Variants in FAN1 observed in about 807,000 individuals in gnomAD.
The protein encoded by FAN1 is fanconi-associated nuclease 1.
FAN1 carries 91 observed loss-of-function variants against 104.9 expected under a neutral mutation model. The observed-to-expected ratio is 0.87, with a 90% CI of 0.73 to 1.03. FAN1 has a LOEUF of 1.03. Among genes scored for constraint, FAN1 ranks in the 50% least tolerant of loss-of-function variants. FAN1 has a pLI of 0.00. For missense variants in FAN1, 1,263 were observed against 1,239.9 expected, an observed-to-expected ratio of 1.02 and a Z score of -0.28; for synonymous variants, 478 against 457.6, an observed-to-expected ratio of 1.04 and a Z score of -0.57.
chr15:30,912,565 AC>A (rs1288172766), intron 4 of FAN1, among the ~76,000 whole-genome samples: 2 of 151,780 alleles, frequency 1.3e-5, no homozygotes, highest in African/African-American at 4.8e-5. Context: ...TAGGAATCCC[AC>A]CCCTTCCCCT....
intron 14 of FAN1, chr15:30,939,067 G>A (rs1180577567): frequency 2.0e-6 from 2 of 985,272 alleles, no homozygotes; most frequent in African/African-American, 3.5e-5. Flanking sequence ...AGGCACAAAG[G>A]TTTTAGTTTT....
intron 7 of FAN1, among the ~76,000 whole-genome samples, chr15:30,921,695 C>T (rs1475362538): frequency 6.6e-6 from 1 of 152,076 alleles, no homozygotes; most frequent in Non-Finnish European, 1.5e-5. Context: ...TAAATCATTC[C>T]ATATTACAAA....
At chr15:30,910,905 ATTGT>A in intron 4 of FAN1, 90 bp downstream of exon 4, 1 of 1,460,374 alleles carries the variant, frequency 6.8e-7, no homozygotes, top group Non-Finnish European at 9.1e-7. Flanking sequence ...TTGAACTGTA[ATTGT>A]TTATTTCAGT....
At chr15:30,941,506 T>A (rs1383097811) in intron 14 of FAN1, 60 bp from the exon 15 acceptor site, 2 of 1,611,766 alleles carry the variant, frequency 1.2e-6, no homozygotes, top group Non-Finnish European at 1.7e-6. Context: ...TAGACAACCA[T>A]ATTTTGGCCC....
chr15:30,907,878 C>T (rs2062016430), intron 2 of FAN1, among the ~76,000 whole-genome samples: 1 of 152,080 alleles, frequency 6.6e-6, no homozygotes. Context: ...CTGGGTAGGG[C>T]TTTTCTGAGG....
At chr15:30,906,013 G>GCA in intron 2 of FAN1, 116 bp downstream of exon 2, 1 of 941,002 alleles carries the variant, frequency 1.1e-6, no homozygotes, top group Non-Finnish European at 1.6e-6. Flanking sequence ...GGTGTTGTGA[G>GCA]CACCCTGTGG....
intron 14 of FAN1, 99 bp downstream of exon 14, chr15:30,937,358 T>C: frequency 8.7e-7 from 1 of 1,142,864 alleles, no homozygotes; most frequent in Admixed American, 2.5e-5. Context: ...ATAAACCTGA[T>C]AGTTTGACTT....
At chr15:30,939,060 C>T (rs1386260465) in intron 14 of FAN1, 1 of 985,306 alleles carries the variant, frequency 1.0e-6, no homozygotes, top group Non-Finnish European at 1.2e-6. Context: ...CAATTTTAGG[C>T]ACAAAGGTTT....
rs933794835 is a variant in FAN1, at chr15:30,926,699, A to C, written c.2488+760A>C. 3.0e-6 allele frequency: 3 copies of C among 985,314 alleles called. No individual in the cohort carries two copies. In the African/African-American group the frequency reaches 5.2e-5, roughly 17 times the overall value. The allele number at this position is 985,314 out of a possible 1,614,324, so 61.0% of individuals were successfully genotyped here. A position where few individuals can be genotyped will look rare whatever the true frequency, so the allele number is the denominator to read the frequency against. ...AAATGGTTAGAAATAGAAGAATAGAATGCACATTCAAGGCCCCGAGAGACG... is the reference window on the plus strand; with the variant it reads ...AAATGGTTAGAAATAGAAGAATAGACTGCACATTCAAGGCCCCGAGAGACG... On this transcript the variant is annotated intron_variant, in intron 10 of 14. Transcript: ENST00000362065.
intron 10 of FAN1, chr15:30,927,865 C>T (rs969599379): frequency 4.6e-5 from 45 of 985,556 alleles, no homozygotes; most frequent in Non-Finnish European, 5.2e-5. Context: ...CCAGACCCTG[C>T]CTCTGACTCT....
intron 11 of FAN1, chr15:30,928,922 C>T: frequency 2.2e-6 from 1 of 456,452 alleles, no homozygotes; most frequent in South Asian, 9.3e-5. Flanking sequence ...CCCTCCCGAG[C>T]ACCTGCCGTG....
chr15:30,915,405 C>T (rs574793492), intron 5 of FAN1, among the ~76,000 whole-genome samples: 8 of 152,246 alleles, frequency 5.3e-5, no homozygotes, highest in Admixed American at 3.9e-4. Context: ...CTATAATTAA[C>T]AACAGTTTAT....
rs1285472396 is a variant in FAN1 at position 30,929,779 on chromosome 15, T to TATAATATAATATATAAAATATATAA, written c.2787+382_2787+383insATAATATAATATATAAAATATATAA. ...TATAATATATAAAATATATAATATA[T>TATAATATAATATATAAAATATATAA]TATATCATATATAATATAATATATA... On this transcript the variant is annotated intron_variant, in intron 12 of 14. Coordinates refer to ENST00000362065, the MANE Select transcript of FAN1 (RefSeq NM_014967.5). 9.2e-4 allele frequency among the ~76,000 whole-genome samples: 21 copies of TATAATATAATATATAAAATATATAA among 22,720 alleles called. 2 individuals are homozygous for TATAATATAATATATAAAATATATAA. Among genetic ancestry groups the TATAATATAATATATAAAATATATAA allele is most frequent in the South Asian group, 3.2e-3 (2 of 620 alleles). 14.9% of individuals were successfully genotyped at this position (22,720 alleles called of 152,430 possible).
rs79541084 is a variant in FAN1, at chr15:30,922,630, G to A, written c.2172+276G>A. Reference sequence around the variant, plus strand: ...CTGGCATTTAGGAATCAGGATCTAGGAATTAAGGGAAAGGGAGAGTCAGAT... The same window carrying A: ...CTGGCATTTAGGAATCAGGATCTAGAAATTAAGGGAAAGGGAGAGTCAGAT... On this transcript the variant is annotated intron_variant, in intron 8 of 14. Coordinates refer to ENST00000362065, the MANE Select transcript of FAN1 (RefSeq NM_014967.5). Among the ~76,000 whole-genome samples, 2,113 of 152,268 alleles carry A rather than the reference G, an allele frequency of 0.014. 44 individuals carry two copies. The highest frequency in any genetic ancestry group is 0.048 in the African/African-American group (2,004 of 41,552).
intron 2 of FAN1, among the ~76,000 whole-genome samples, chr15:30,906,970 C>T (rs1252198371): frequency 6.6e-6 from 1 of 152,050 alleles, no homozygotes. Flanking sequence ...GAACAGTTTT[C>T]CTAGTGCAAG....
chr15:30,912,056 C>G (rs1226354352), intron 4 of FAN1, among the ~76,000 whole-genome samples: 1 of 89,108 alleles, frequency 1.1e-5, no homozygotes, highest in African/African-American at 4.3e-5. Flanking sequence ...AGTGAGACTC[C>G]ATCTCAAAAA....
intron 13 of FAN1, among the ~76,000 whole-genome samples, chr15:30,931,669 C>T (rs549200626): frequency 2.6e-5 from 4 of 152,190 alleles, no homozygotes; most frequent in Middle Eastern, 3.2e-3. Flanking sequence ...CTCCATGTGT[C>T]AAGAAGACCA....
intron 8 of FAN1, among the ~76,000 whole-genome samples, chr15:30,924,180 C>T (rs539612565): frequency 6.6e-6 from 1 of 152,348 alleles, no homozygotes; most frequent in East Asian, 1.9e-4. Flanking sequence ...GTCAGGACTC[C>T]GTTCCTTCTC....
chr15:30,928,911 G>C, intron 11 of FAN1: 2 of 511,680 alleles, frequency 3.9e-6, no homozygotes, highest in Non-Finnish European at 5.0e-6. Flanking sequence ...ATCAGCATCA[G>C]CCCTCCCGAG....
Sources: gnomAD v4.1 joint callset for allele counts (sites outside exome capture counted in the v4.1 genomes callset) on GRCh38, gnomAD v4.1.1 for gene constraint, MANE v1.5 for transcripts, NCBI Gene and HGNC (gene_info 2026-07-23, HGNC 2026-07-21) for gene names.